CDYL2: variants seen among roughly 807,000 people sequenced by gnomAD.
The protein encoded by CDYL2 is chromodomain Y like 2, also known as chromodomain Y-like protein 2.
Under a neutral mutation model 49.4 loss-of-function variants are expected in CDYL2, and 23 were observed. That is an observed-to-expected ratio of 0.47 (90% confidence interval 0.34 to 0.66). The LOEUF is 0.66. Ranked by LOEUF, CDYL2 falls within the 30% of genes least tolerant of loss-of-function variation. CDYL2 has a pLI of 0.01. For synonymous variants in CDYL2, 360 were observed against 268.8 expected, an observed-to-expected ratio of 1.34 and a Z score of -3.32; for missense variants, 678 against 656.4, an observed-to-expected ratio of 1.03 and a Z score of -0.36.
chr16:80,757,046 A>G (rs567540226), intron 1 of CDYL2, among the ~76,000 whole-genome samples: 1 of 152,318 alleles, frequency 6.6e-6, no homozygotes, highest in Admixed American at 6.5e-5. Flanking sequence ...CTCCCATCAC[A>G]ATTAATATGT....
At chr16:80,662,924 C>T (rs779716906) in intron 2 of CDYL2, among the ~76,000 whole-genome samples, 7 of 151,874 alleles carry the variant, frequency 4.6e-5, no homozygotes, top group African/African-American at 1.2e-4. Flanking sequence ...TCAGAACCAG[C>T]GGAGGCCCAG....
chr16:80,752,477 C>A (rs371321636), intron 1 of CDYL2, among the ~76,000 whole-genome samples: 13 of 151,936 alleles, frequency 8.6e-5, no homozygotes, highest in African/African-American at 3.1e-4. Context: ...TTCATAAAAG[C>A]AAAGACAAAG....
chr16:80,746,213 T>C (rs1905925297), intron 1 of CDYL2, among the ~76,000 whole-genome samples: 2 of 151,984 alleles, frequency 1.3e-5, no homozygotes, highest in South Asian at 4.2e-4. Flanking sequence ...AATCCGCAAA[T>C]GATGGGGGAC....
intron 1 of CDYL2, among the ~76,000 whole-genome samples, chr16:80,790,757 G>C (rs907173534): frequency 2.0e-5 from 3 of 152,114 alleles, no homozygotes; most frequent in Non-Finnish European, 4.4e-5. Context: ...CAGTCAGGGG[G>C]GTAGGTCTCA....
At chr16:80,636,772 T>C (rs1907847986) in intron 2 of CDYL2, among the ~76,000 whole-genome samples, 1 of 152,306 alleles carries the variant, frequency 6.6e-6, no homozygotes, top group South Asian at 2.1e-4. Context: ...ACTGCAGCAC[T>C]GTTCACAATA....
chr16:80,740,304 A>G (rs1040802605), intron 1 of CDYL2, among the ~76,000 whole-genome samples: 19 of 152,090 alleles, frequency 1.2e-4, no homozygotes, highest in African/African-American at 4.1e-4. Context: ...CTCATTCTTT[A>G]TTTTCACTTC....
chr16:80,644,118 C>A (rs954755595), intron 2 of CDYL2, among the ~76,000 whole-genome samples: 1 of 152,312 alleles, frequency 6.6e-6, no homozygotes, highest in Non-Finnish European at 1.5e-5. Context: ...ATTTCTTTCA[C>A]GAGACACACT....
intron 1 of CDYL2, among the ~76,000 whole-genome samples, chr16:80,731,752 A>T (rs1396175372): frequency 6.6e-6 from 1 of 152,212 alleles, no homozygotes. Context: ...ATCAGATGGG[A>T]AAGCAGGATG....
At chr16:80,618,189 G>A (rs1251564303) in intron 4 of CDYL2, among the ~76,000 whole-genome samples, 3 of 152,196 alleles carry the variant, frequency 2.0e-5, no homozygotes, top group Admixed American at 6.5e-5. Context: ...TCACTTGCCC[G>A]CTGAGATGGC....
chr16:80,792,151 G>T (rs369625760), intron 1 of CDYL2, among the ~76,000 whole-genome samples: 3 of 152,154 alleles, frequency 2.0e-5, no homozygotes, highest in Admixed American at 2.0e-4. Context: ...TTGATATTTT[G>T]AGTTTAAAGA....
chr16:80,795,422 C>T (rs1165692172), intron 1 of CDYL2, among the ~76,000 whole-genome samples: 2 of 152,160 alleles, frequency 1.3e-5, no homozygotes, highest in African/African-American at 4.8e-5. Context: ...GCCCTGCAAG[C>T]CTTCTCAGGA....
intron 1 of CDYL2, among the ~76,000 whole-genome samples, chr16:80,764,210 T>C (rs1906635787): frequency 6.6e-6 from 1 of 152,200 alleles, no homozygotes; most frequent in Non-Finnish European, 1.5e-5. Flanking sequence ...AGAAACAGCA[T>C]CTTATAAAAC....
chr16:80,622,977 G>A (rs746808570), intron 3 of CDYL2, among the ~76,000 whole-genome samples: 3 of 152,200 alleles, frequency 2.0e-5, no homozygotes, highest in Non-Finnish European at 2.9e-5. Context: ...AAGGGAAACT[G>A]AGGCTCAGAG....
At chr16:80,607,524 G>C (rs531212344) in intron 6 of CDYL2, among the ~76,000 whole-genome samples, 1 of 152,304 alleles carries the variant, frequency 6.6e-6, no homozygotes, top group South Asian at 2.1e-4. Flanking sequence ...CTTCCCACAG[G>C]ATATTCCCCT....
intron 3 of CDYL2, among the ~76,000 whole-genome samples, chr16:80,626,164 G>T (rs1368915488): frequency 1.3e-5 from 2 of 151,158 alleles, no homozygotes; most frequent in African/African-American, 4.9e-5. Context: ...CAGGCATGGT[G>T]GTGCATGCCA....
chr16:80,664,910 G>A (rs558849569), intron 2 of CDYL2, among the ~76,000 whole-genome samples: 1 of 152,162 alleles, frequency 6.6e-6, no homozygotes, highest in African/African-American at 2.4e-5. Flanking sequence ...GCTTAGCAAG[G>A]GCTCAGTAAA....
At chr16:80,770,352 G>A (rs768971358) in intron 1 of CDYL2, among the ~76,000 whole-genome samples, 1 of 152,018 alleles carries the variant, frequency 6.6e-6, no homozygotes. Flanking sequence ...AGAACCAGAA[G>A]GAATTATTCA....
chr16:80,759,122 A>ATATATATATATATGGTT (rs1906431863), intron 1 of CDYL2, among the ~76,000 whole-genome samples: 3 of 127,850 alleles, frequency 2.3e-5, no homozygotes, highest in African/African-American at 3.3e-5. Flanking sequence ...ATATATATAT[A>ATATATATATATATGGTT]TATATATATA....
intron 3 of CDYL2, among the ~76,000 whole-genome samples, chr16:80,623,759 G>C (rs1907186417): frequency 1.3e-5 from 2 of 152,198 alleles, no homozygotes; most frequent in African/African-American, 4.8e-5. Context: ...GGTGGAGCTA[G>C]ACTAGGACTC....
Sources: gnomAD v4.1 joint callset for allele counts (sites outside exome capture counted in the v4.1 genomes callset) on GRCh38, gnomAD v4.1.1 for gene constraint, MANE v1.5 for transcripts, NCBI Gene and HGNC (gene_info 2026-07-23, HGNC 2026-07-21) for gene names.